The following TBCD variants were observed in gnomAD, a reference collection of about 807,000 sequenced individuals.
TBCD encodes tubulin-specific chaperone D.
In TBCD, 105 loss-of-function variants were observed where a neutral mutation model predicts 169.3. The observed-to-expected ratio is 0.62, with a 90% CI of 0.53 to 0.73. The LOEUF (loss-of-function observed/expected upper bound fraction) is 0.73, where lower values mean the gene tolerates loss of function less well. Among genes scored for constraint, TBCD ranks in the 30% least tolerant of loss-of-function variants. The probability of loss-of-function intolerance (pLI) is 0.00; values close to 1 mark genes in which losing one functional copy is unlikely to be tolerated. For synonymous variants in TBCD, 700 were observed against 643.9 expected (o/e 1.09, Z -1.32); for missense variants, 1,444 against 1,600.1 (o/e 0.90, Z 1.66).
intron 13 of TBCD, among the ~76,000 whole-genome samples, 169 bp downstream of exon 13, chr17:82,815,103 G>A (rs552127382): frequency 6.6e-5 from 10 of 152,298 alleles, no homozygotes; most frequent in South Asian, 2.1e-4. Flanking sequence ...ACCCATCTCC[G>A]CGGTGTGGCC....
At position 82,768,433 on chromosome 17, in the gene TBCD, GC is replaced by G; in HGVS notation, c.450del (p.Tyr151ThrfsTer9). On this transcript the variant is annotated frameshift_variant, in exon 5 of 39. Transcript: ENST00000355528. LOFTEE classifies it high-confidence loss of function. ...NPKDHEAWET[R>X]YMLLLWLSVT... ...TTAATTTTTTAGGCTTGGGAAACCCGCTACATGCTTTTGCTCTGGCTCTCCG... is the reference window on the plus strand; with the variant it reads ...TTAATTTTTTAGGCTTGGGAAACCCGTACATGCTTTTGCTCTGGCTCTCCG... 1 of 1,613,864 alleles carries G rather than the reference GC, an allele frequency of 6.2e-7. No individual in the cohort carries two copies. The highest frequency in any genetic ancestry group is 8.5e-7 in the Non-Finnish European group (1 of 1,179,826).
At position 82,865,480 on chromosome 17, in the gene TBCD, GA is replaced by G. The variant is rs1020232841; in HGVS notation, c.1319-4743del. 4.1e-6 allele frequency: 4 copies of G among 985,364 alleles called. No individual in the cohort carries two copies. In the African/African-American group the frequency reaches 7.0e-5, roughly 17 times the overall value. The allele number at this position is 985,364 out of a possible 1,614,324, so 61.0% of individuals were successfully genotyped here. On this transcript the variant is annotated intron_variant, in intron 13 of 38. Transcript: ENST00000355528. ...CAGCCACCCTCTCTGGGCTATGTGG[GA>G]GGTGCCCACGTTTCCACGCCTTCCT...
rs1319904667 is a variant in TBCD, at chr17:82,915,767, C to T, written c.2038+3978C>T. On this transcript the variant is annotated intron_variant, in intron 23 of 38. Coordinates refer to ENST00000355528, the MANE Select transcript of TBCD (RefSeq NM_005993.5). This position sits in a 1 kb window ranked among gnomAD's most constrained non-coding sequence, Gnocchi z 4.3. The stretch of plus-strand genomic sequence containing the variant: ...CACGAGAATCAGGAAAAGTTCTCCT[C>T]TCATGCCGAAGACGGGAGGGAAACC... 6.6e-6 allele frequency among the ~76,000 whole-genome samples: 1 copy of T among 152,196 alleles called. No individual in the cohort carries two copies. Among genetic ancestry groups the T allele is most frequent in the Non-Finnish European group, 1.5e-5 (1 of 68,044 alleles).
chr17:82,854,161 T>A (rs2056056123), intron 13 of TBCD, among the ~76,000 whole-genome samples: 1 of 152,358 alleles, frequency 6.6e-6, no homozygotes, highest in East Asian at 1.9e-4. Context: ...TTGTTTAACA[T>A]TAGACATTAC....
intron 14 of TBCD, among the ~76,000 whole-genome samples, chr17:82,883,626 C>A (rs1478644316): frequency 6.6e-6 from 1 of 152,190 alleles, no homozygotes; most frequent in Non-Finnish European, 1.5e-5. Flanking sequence ...CCTCTGGGCA[C>A]GGTGGGTGTT....
chr17:82,830,902 A>G, intron 13 of TBCD: 2 of 1,612,818 alleles, frequency 1.2e-6, no homozygotes, highest in Admixed American at 1.7e-5. Flanking sequence ...GAAAAAGCTT[A>G]GTAGGAGCTT....
chr17:82,909,355 A>C (rs2060456249), intron 22 of TBCD, 48 bp downstream of exon 22: 1 of 1,476,790 alleles, frequency 6.8e-7, no homozygotes, highest in African/African-American at 1.4e-5. Context: ...CTAATGAAGA[A>C]CTGCGCTGTC....
At chr17:82,933,018 G>A (rs1248600320) in intron 34 of TBCD, among the ~76,000 whole-genome samples, 1 of 150,542 alleles carries the variant, frequency 6.6e-6, no homozygotes, top group African/African-American at 2.5e-5. Context: ...CTATCCCACC[G>A]GGCCAGGGGT....
rs1385683646 is a variant in TBCD at position 82,880,262 on chromosome 17, C to T, written c.1476-3883C>T. ...TTCCTGGGCTCAAGGGATCCTCCTG[C>T]CTCTGCCTCCCACAGACAGATGGAG... On this transcript the variant is annotated intron_variant, in intron 14 of 38. Transcript: ENST00000355528. This position sits in a 1 kb window ranked among gnomAD's most constrained non-coding sequence, Gnocchi z 5.0. 6.6e-6 allele frequency among the ~76,000 whole-genome samples: 1 copy of T among 152,222 alleles called. No homozygotes were observed. Among genetic ancestry groups the T allele is most frequent in the African/African-American group, 2.4e-5 (1 of 41,442 alleles).
In TBCD at chr17:82,865,138, C is replaced by T. The variant is rs191056806; in HGVS notation, c.1319-5086C>T. Among the ~76,000 whole-genome samples, 10 of 151,978 alleles carry T rather than the reference C, an allele frequency of 6.6e-5. 1 individual carries two copies. In the East Asian group the frequency reaches 1.9e-3, roughly 30 times the overall value. ...CCAGGTGTTCTGTCCATCACTGCCT[C>T]TTACCTCCTAGCAAATTCAACACTG... On this transcript the variant is annotated intron_variant, in intron 13 of 38. Transcript: ENST00000355528.
In TBCD at chr17:82,880,683, G is replaced by T. The variant is rs1026390967; in HGVS notation, c.1476-3462G>T. ...GGGCCCGGAGGTATCAGCAGGAACT[G>T]CAGGGTCCCTACCGCAGGCTCCCCA... On this transcript the variant is annotated intron_variant, in intron 14 of 38. Transcript: ENST00000355528. The surrounding 1 kb of genome is among the most constrained non-coding windows in gnomAD (Gnocchi z 5.0). 1.3e-5 allele frequency among the ~76,000 whole-genome samples: 2 copies of T among 152,106 alleles called. No individual in the cohort carries two copies. The highest frequency in any genetic ancestry group is 1.3e-4 in the Admixed American group (2 of 15,280).
chr17:82,882,320 C>G (rs1433324581), intron 14 of TBCD, among the ~76,000 whole-genome samples: 1 of 152,242 alleles, frequency 6.6e-6, no homozygotes, highest in African/African-American at 2.4e-5. Context: ...AGCCCATTCC[C>G]CCCCAGCCCC....
intron 8 of TBCD, among the ~76,000 whole-genome samples, chr17:82,799,373 T>G (rs528579126): frequency 1.4e-5 from 2 of 144,278 alleles, no homozygotes; most frequent in Middle Eastern, 3.5e-3. Context: ...AGCCAGGGAG[T>G]TGGAGGTTGC....
chr17:82,917,905 A>G (rs1476995085), intron 23 of TBCD, among the ~76,000 whole-genome samples: 1 of 152,170 alleles, frequency 6.6e-6, no homozygotes, highest in Non-Finnish European at 1.5e-5. Flanking sequence ...TGTCCCTCTC[A>G]GGTCTTCGTG....
intron 15 of TBCD, among the ~76,000 whole-genome samples, chr17:82,888,841 C>T (rs943176194): frequency 2.6e-4 from 39 of 152,202 alleles, no homozygotes; most frequent in Admixed American, 5.9e-4. Context: ...GGCGGGAGGT[C>T]GCTCCTCCAG....
At chr17:82,787,121 C>T (rs547726210) in intron 7 of TBCD, among the ~76,000 whole-genome samples, 2 of 152,274 alleles carry the variant, frequency 1.3e-5, no homozygotes, top group African/African-American at 4.8e-5. Context: ...AGGTGTAAAA[C>T]GGTCTTCTCA....
intron 9 of TBCD, among the ~76,000 whole-genome samples, chr17:82,805,247 A>C (rs2144754047): frequency 6.6e-6 from 1 of 152,346 alleles, no homozygotes; most frequent in African/African-American, 2.4e-5. Context: ...GGAGCGGCTC[A>C]GGAGCTGTTC....
intron 4 of TBCD, among the ~76,000 whole-genome samples, chr17:82,768,080 T>TA (rs2048112538): frequency 6.6e-6 from 1 of 152,174 alleles, no homozygotes; most frequent in African/African-American, 2.4e-5. Context: ...TTTTACTTTT[T>TA]ATCTGTTTTT....
intron 23 of TBCD, among the ~76,000 whole-genome samples, chr17:82,916,345 A>G (rs1599524797): frequency 4.6e-5 from 7 of 152,114 alleles, no homozygotes; most frequent in African/African-American, 1.7e-4. Flanking sequence ...CCCAGGTTCA[A>G]GTGTTTCTCC....
Sources: gnomAD v4.1 joint callset for allele counts (sites outside exome capture counted in the v4.1 genomes callset) on GRCh38, gnomAD v4.1.1 for gene constraint, Gnocchi (gnomAD v3.1) non-coding constraint, MANE v1.5 for transcripts, NCBI Gene and HGNC (gene_info 2026-07-23, HGNC 2026-07-21) for gene names.